NMNAT2: variants seen among roughly 807,000 people sequenced by gnomAD.
NMNAT2 encodes the protein nicotinamide/nicotinic acid mononucleotide adenylyltransferase 2.
In NMNAT2, 11 loss-of-function variants were observed where a neutral mutation model predicts 41.6. The ratio of observed to expected loss-of-function variants is 0.26; its 90% CI spans 0.17 to 0.44. The LOEUF is 0.44. NMNAT2 is among the 20% of genes least tolerant of loss of function. NMNAT2 has a pLI of 1.00. For synonymous variants in NMNAT2, 148 were observed against 151.2 expected (o/e 0.98, Z 0.16); for missense variants, 288 against 407.7 (o/e 0.71, Z 2.53).
intron 8 of NMNAT2, among the ~76,000 whole-genome samples, chr1:183,264,833 A>G (rs1660763744): frequency 6.6e-6 from 1 of 151,830 alleles, no homozygotes; most frequent in African/African-American, 2.4e-5. Flanking sequence ...AGGCCTCAGG[A>G]CACTACCCTC....
At chr1:183,286,274 T>C (rs1661395901) in intron 5 of NMNAT2, among the ~76,000 whole-genome samples, 1 of 151,900 alleles carries the variant, frequency 6.6e-6, no homozygotes, top group Admixed American at 6.6e-5. Flanking sequence ...TATTATTTGG[T>C]ACAGGTGGGG....
chr1:183,306,511 C>A (rs1467276522), intron 1 of NMNAT2, among the ~76,000 whole-genome samples: 1 of 152,132 alleles, frequency 6.6e-6, no homozygotes, highest in African/African-American at 2.4e-5. Context: ...CCCAATGAAC[C>A]ACTGAACCAC....
At chr1:183,372,712 A>G (rs563731103) in intron 1 of NMNAT2, among the ~76,000 whole-genome samples, 1 of 152,306 alleles carries the variant, frequency 6.6e-6, no homozygotes, top group East Asian at 1.9e-4. Context: ...ATTTCCAAGG[A>G]GATTTTGGAA....
chr1:183,255,215 C>T (rs188896557), intron 10 of NMNAT2, among the ~76,000 whole-genome samples: 3 of 152,176 alleles, frequency 2.0e-5, no homozygotes, highest in South Asian at 2.1e-4. Flanking sequence ...TGTCAAAAAT[C>T]AGTTGACCAT....
intron 10 of NMNAT2, among the ~76,000 whole-genome samples, chr1:183,253,246 T>C (rs915543854): frequency 1.1e-4 from 16 of 148,046 alleles, no homozygotes; most frequent in Non-Finnish European, 2.1e-4. Flanking sequence ...TATTATATAT[T>C]TTATAATTTA....
At chr1:183,313,092 G>GCCCCCAT in intron 1 of NMNAT2, among the ~76,000 whole-genome samples, 1 of 144,108 alleles carries the variant, frequency 6.9e-6, no homozygotes, top group East Asian at 2.2e-4. Context: ...CCAGCCCCCA[G>GCCCCCAT]CCCCCATCCC....
intron 1 of NMNAT2, among the ~76,000 whole-genome samples, chr1:183,308,867 G>A (rs191432333): frequency 6.8e-4 from 103 of 152,324 alleles, no homozygotes; most frequent in African/African-American, 2.4e-3. Flanking sequence ...GCTGCAGAGA[G>A]AGGGAGGAGC....
chr1:183,411,428 T>G (rs1649113302), intron 1 of NMNAT2, among the ~76,000 whole-genome samples: 1 of 152,128 alleles, frequency 6.6e-6, no homozygotes, highest in Non-Finnish European at 1.5e-5. Context: ...CTCAGCCTCC[T>G]GAGTAGCTAG....
chr1:183,275,555 G>A (rs1230968913), intron 8 of NMNAT2, among the ~76,000 whole-genome samples: 1 of 151,702 alleles, frequency 6.6e-6, no homozygotes, highest in African/African-American at 2.4e-5. Flanking sequence ...ACTAGATGTG[G>A]GGTCCCTGCT....
At chr1:183,306,845 G>C (rs368732455) in intron 1 of NMNAT2, among the ~76,000 whole-genome samples, 2 of 152,188 alleles carry the variant, frequency 1.3e-5, no homozygotes, top group Admixed American at 6.5e-5. Flanking sequence ...TACCCAGCTA[G>C]TTACTCAATT....
At chr1:183,325,074 A>G (rs183182695) in intron 1 of NMNAT2, among the ~76,000 whole-genome samples, 20 of 152,314 alleles carry the variant, frequency 1.3e-4, no homozygotes, top group Admixed American at 3.9e-4. Context: ...GTCTCTGGGT[A>G]GAGAGTATGT....
intron 1 of NMNAT2, among the ~76,000 whole-genome samples, chr1:183,369,854 G>T (rs1477483221): frequency 1.3e-5 from 2 of 151,986 alleles, no homozygotes; most frequent in Non-Finnish European, 2.9e-5. Flanking sequence ...TCTATTCTAG[G>T]AATGAGAATG....
intron 1 of NMNAT2, among the ~76,000 whole-genome samples, chr1:183,294,569 G>A (rs1661631582): frequency 6.6e-6 from 1 of 152,170 alleles, no homozygotes. Flanking sequence ...GAGGCAGGTG[G>A]ATCACAAGGT....
intron 1 of NMNAT2, among the ~76,000 whole-genome samples, chr1:183,352,608 T>C (rs1663088967): frequency 6.7e-6 from 1 of 150,242 alleles, no homozygotes. Flanking sequence ...GTGAGAATTC[T>C]GGTCACTGAA....
chr1:183,356,145 C>T (rs764492932), intron 1 of NMNAT2, among the ~76,000 whole-genome samples: 29 of 152,338 alleles, frequency 1.9e-4, no homozygotes, highest in Middle Eastern at 3.4e-3. Flanking sequence ...CTCAGGACAA[C>T]GCCAGGAAGT....
chr1:183,334,801 C>T (rs988304798), intron 1 of NMNAT2, among the ~76,000 whole-genome samples: 2 of 151,544 alleles, frequency 1.3e-5, no homozygotes, highest in Non-Finnish European at 2.9e-5. Context: ...TGAGCCACCG[C>T]ACCTGGCCCA....
At chr1:183,376,058 A>G (rs1484904806) in intron 1 of NMNAT2, among the ~76,000 whole-genome samples, 2 of 152,178 alleles carry the variant, frequency 1.3e-5, no homozygotes, top group African/African-American at 4.8e-5. Flanking sequence ...CCTTCCAGGT[A>G]GGCCTAGGAA....
rs184385511 is a variant in NMNAT2, at chr1:183,259,780, T to C, written c.821+1222A>G. Reference sequence around the variant, plus strand: ...ACGCCCGGCTGATTTTTTGTATTTTTAGTGGAGACGGGGTTTCACCGTGTT... The same window carrying C: ...ACGCCCGGCTGATTTTTTGTATTTTCAGTGGAGACGGGGTTTCACCGTGTT... On this transcript the variant is annotated intron_variant, in intron 10 of 10. Coordinates refer to ENST00000287713, the MANE Select transcript of NMNAT2 (RefSeq NM_015039.4). 5.6e-3 allele frequency among the ~76,000 whole-genome samples: 853 copies of C among 152,260 alleles called. 12 individuals are homozygous for C. Among genetic ancestry groups the C allele is most frequent in the African/African-American group, 0.02 (815 of 41,548 alleles).
At chr1:183,373,346 A>G (rs1663593461) in intron 1 of NMNAT2, among the ~76,000 whole-genome samples, 2 of 152,224 alleles carry the variant, frequency 1.3e-5, no homozygotes, top group South Asian at 2.1e-4. Flanking sequence ...GGTCCTTTAC[A>G]TGGGACTTCA....
Sources: gnomAD v4.1 joint callset for allele counts (sites outside exome capture counted in the v4.1 genomes callset) on GRCh38, gnomAD v4.1.1 for gene constraint, MANE v1.5 for transcripts, NCBI Gene and HGNC (gene_info 2026-07-23, HGNC 2026-07-21) for gene names.